The following LY96 variants were observed in gnomAD, a reference collection of about 807,000 sequenced individuals.
LY96 encodes the protein lymphocyte antigen 96, also known as myeloid differentiation protein-2.
Under a neutral mutation model 18.9 loss-of-function variants are expected in LY96, and 18 were observed. That is an observed-to-expected ratio of 0.95 (90% CI 0.66 to 1.41). The LOEUF is 1.41. Among genes scored for constraint, LY96 ranks in the 40% most tolerant of loss-of-function variants. The pLI is 0.00. For synonymous variants in LY96, 66 were observed against 62.6 expected, an observed-to-expected ratio of 1.06 and a Z score of -0.26; for missense variants, 175 against 182.4, an observed-to-expected ratio of 0.96 and a Z score of 0.23.
chr8:74,080,807 G>T, the LY96 span, among the ~76,000 whole-genome samples: 2 of 152,160 alleles, frequency 1.3e-5, no homozygotes, highest in Admixed American at 1.3e-4. Context: ...TCAGCTCTTT[G>T]TTGACTCCTG....
intron 1 of LY96, among the ~76,000 whole-genome samples, chr8:74,004,175 G>A (rs906047812): frequency 2.0e-5 from 3 of 152,212 alleles, no homozygotes; most frequent in African/African-American, 7.2e-5. Context: ...CCGGGAGAAA[G>A]CTGAGAGCTA....
At chr8:74,000,978 C>G (rs561996331) in intron 1 of LY96, among the ~76,000 whole-genome samples, 1 of 152,190 alleles carries the variant, frequency 6.6e-6, no homozygotes, top group Non-Finnish European at 1.5e-5. Flanking sequence ...AATTCATTCA[C>G]AAGGGCAGAG....
the LY96 span, among the ~76,000 whole-genome samples, chr8:74,088,801 G>C: frequency 0.034 from 5,249 of 152,214 alleles, 233 homozygotes; most frequent in African/African-American, 0.09. Context: ...GGCCAGGCTA[G>C]TCTCCAACTC....
chr8:74,059,577 A>G, the LY96 span, among the ~76,000 whole-genome samples: 1 of 152,250 alleles, frequency 6.6e-6, no homozygotes, highest in Admixed American at 6.5e-5. Flanking sequence ...AATAAATGGC[A>G]TTGCCAAAAT....
the LY96 span, among the ~76,000 whole-genome samples, chr8:74,080,994 C>CTTTG: frequency 5.8e-5 from 6 of 102,670 alleles, no homozygotes; most frequent in African/African-American, 3.4e-4. Flanking sequence ...CTCTTTCTTT[C>CTTTG]TTTCTTTCTT....
chr8:74,097,001 C>G, the LY96 span, among the ~76,000 whole-genome samples: 1 of 152,122 alleles, frequency 6.6e-6, no homozygotes, highest in African/African-American at 2.4e-5. Context: ...ACTTGAGTGA[C>G]GGAGGTGGGT....
At chr8:74,065,505 T>A in the LY96 span, among the ~76,000 whole-genome samples, 1 of 152,216 alleles carries the variant, frequency 6.6e-6, no homozygotes, top group East Asian at 1.9e-4. Context: ...TCACAAGTTG[T>A]AAAGTATTAT....
At chr8:74,052,014 T>A in the LY96 span, among the ~76,000 whole-genome samples, 1 of 151,648 alleles carries the variant, frequency 6.6e-6, no homozygotes, top group Non-Finnish European at 1.5e-5. Flanking sequence ...TAAAATTTAT[T>A]CCTACAGATG....
chr8:74,074,257 C>T, the LY96 span, among the ~76,000 whole-genome samples: 1 of 152,198 alleles, frequency 6.6e-6, no homozygotes, highest in Non-Finnish European at 1.5e-5. Flanking sequence ...GCCTCAGCTT[C>T]CCAAAGTGTT....
Position 74,029,061 on chromosome 8 carries a change from T to C in LY96, c.*7T>C, listed in dbSNP as rs757486657. On this transcript the variant is annotated 3_prime_UTR_variant, in exon 5 of 5. Coordinates refer to ENST00000284818, the MANE Select transcript of LY96 (RefSeq NM_015364.5). ...CCAACCTAATTCAAATTAGAATAAA[T>C]TGAGTATTTAAAAAAAAATTTAAAG... 2.6e-6 allele frequency: 4 copies of C among 1,562,584 alleles called. No homozygotes were observed. The highest frequency in any genetic ancestry group is 1.7e-5 in the Admixed American group (1 of 59,860).
chr8:74,026,740 T>C, intron 3 of LY96, 49 bp from the exon 4 acceptor site: 1 of 1,061,272 alleles, frequency 9.4e-7, no homozygotes, highest in Non-Finnish European at 1.5e-6. Flanking sequence ...GAAAAAAATA[T>C]CACCTAACCG....
the LY96 span, among the ~76,000 whole-genome samples, chr8:74,095,490 C>T: frequency 1.6e-4 from 24 of 152,230 alleles, no homozygotes; most frequent in African/African-American, 5.1e-4. Flanking sequence ...TGGGGAAAAA[C>T]ATTTCTCTTC....
the LY96 span, among the ~76,000 whole-genome samples, chr8:74,038,817 A>G: frequency 7.9e-5 from 12 of 152,236 alleles, no homozygotes; most frequent in Non-Finnish European, 1.2e-4. Context: ...TAGTGCTGCA[A>G]TAAACATGGG....
the LY96 span, among the ~76,000 whole-genome samples, chr8:74,090,824 T>C: frequency 2.0e-5 from 3 of 152,208 alleles, no homozygotes; most frequent in African/African-American, 7.2e-5. Context: ...TATATGAAAC[T>C]AACATTTGAA....
chr8:74,085,517 G>A, the LY96 span, among the ~76,000 whole-genome samples: 2 of 152,192 alleles, frequency 1.3e-5, no homozygotes, highest in East Asian at 1.9e-4. Flanking sequence ...TGTCACCGGA[G>A]TGTCATTGTT....
At chr8:74,062,913 A>G in the LY96 span, among the ~76,000 whole-genome samples, 8 of 152,344 alleles carry the variant, frequency 5.3e-5, no homozygotes, top group African/African-American at 1.9e-4. Context: ...TTCCTGCATT[A>G]GTTATCTATA....
chr8:74,069,197 A>G, the LY96 span, among the ~76,000 whole-genome samples: 12,317 of 152,214 alleles, frequency 0.081, 853 homozygotes, highest in African/African-American at 0.19. Flanking sequence ...TCCCCTGAAA[A>G]CCATAAGTTT....
chr8:73,999,364 C>G (rs1239376119), intron 1 of LY96, among the ~76,000 whole-genome samples: 1 of 151,970 alleles, frequency 6.6e-6, no homozygotes, highest in Non-Finnish European at 1.5e-5. Context: ...CTTCTGGGCT[C>G]AAGTGATCTT....
At chr8:74,013,144 G>A (rs1816563937) in intron 3 of LY96, among the ~76,000 whole-genome samples, 1 of 150,768 alleles carries the variant, frequency 6.6e-6, no homozygotes, top group Non-Finnish European at 1.5e-5. Flanking sequence ...TTTTTTTTTG[G>A]AGTCAGAATC....
Sources: allele counts gnomAD v4.1 joint callset (sites outside exome capture counted in the v4.1 genomes callset), GRCh38; gene constraint gnomAD v4.1.1; transcripts MANE v1.5; gene names NCBI Gene and HGNC (gene_info 2026-07-23, HGNC 2026-07-21).